The following CDKAL1 variants were observed in gnomAD, a reference collection of about 807,000 sequenced individuals.
CDKAL1 encodes the protein threonylcarbamoyladenosine tRNA methylthiotransferase.
A neutral mutation model predicts 68.2 loss-of-function variants in CDKAL1; 32 were observed. The ratio of observed to expected loss-of-function variants is 0.47; its 90% CI spans 0.35 to 0.63. CDKAL1 has a LOEUF of 0.63. Ranked by LOEUF, CDKAL1 falls within the 30% of genes least tolerant of loss-of-function variation. CDKAL1 has a pLI of 0.00. For synonymous variants in CDKAL1, 234 were observed against 244.3 expected (o/e 0.96, Z 0.39); for missense variants, 606 against 696.7 (o/e 0.87, Z 1.47).
intron 9 of CDKAL1, among the ~76,000 whole-genome samples, chr6:20,908,366 T>C (rs1180857024): frequency 6.6e-6 from 1 of 152,202 alleles, no homozygotes; most frequent in Non-Finnish European, 1.5e-5. Flanking sequence ...CTTGAAAATA[T>C]TTACCATTGA....
intron 15 of CDKAL1, among the ~76,000 whole-genome samples, chr6:21,212,741 C>T (rs1288714889): frequency 2.0e-5 from 3 of 151,948 alleles, no homozygotes; most frequent in Admixed American, 6.6e-5. Context: ...GGGGTACAAG[C>T]GCAGATTGCT....
intron 15 of CDKAL1, among the ~76,000 whole-genome samples, chr6:21,201,748 C>T (rs1337302029): frequency 6.6e-6 from 1 of 152,128 alleles, no homozygotes; most frequent in African/African-American, 2.4e-5. Flanking sequence ...CTACTTTAGT[C>T]ATGTGGAGTG....
chr6:20,908,023 G>A (rs1762309293), intron 9 of CDKAL1, among the ~76,000 whole-genome samples: 1 of 152,170 alleles, frequency 6.6e-6, no homozygotes, highest in Non-Finnish European at 1.5e-5. Context: ...ACTGGCTGCA[G>A]CTTCACTTTT....
At chr6:21,016,691 G>C (rs568715407) in intron 11 of CDKAL1, among the ~76,000 whole-genome samples, 227 of 151,220 alleles carry the variant, frequency 1.5e-3, no homozygotes, top group Non-Finnish European at 2.6e-3. Context: ...GTGTTCCTCA[G>C]GCACACATCC....
chr6:20,537,805 G>A (rs148600384), intron 2 of CDKAL1, among the ~76,000 whole-genome samples: 6 of 152,050 alleles, frequency 3.9e-5, no homozygotes, highest in African/African-American at 1.4e-4. Flanking sequence ...GCTCCATTTA[G>A]CTATTACGCT....
intron 15 of CDKAL1, among the ~76,000 whole-genome samples, chr6:21,207,815 G>T (rs566100347): frequency 1.3e-5 from 2 of 152,206 alleles, no homozygotes; most frequent in South Asian, 2.1e-4. Context: ...ACTTTAACTT[G>T]TGAAGTAAAA....
rs146125008 is a variant in CDKAL1 at position 21,223,192 on chromosome 6, T to C, written c.1549-7656T>C. Among the ~76,000 whole-genome samples, 463 of 152,312 alleles carry C rather than the reference T, an allele frequency of 3.0e-3. 7 individuals are homozygous for C. In the East Asian group the frequency reaches 0.044, roughly 15 times the overall value. On this transcript the variant is annotated intron_variant, in intron 15 of 15. Coordinates refer to ENST00000274695, the MANE Select transcript of CDKAL1 (RefSeq NM_017774.3). Reference sequence around the variant, plus strand: ...ATCTTGATAGTCATTGTAATAACTATGCAGTGCCCTTGCTCTTTCTCATTT... The same window carrying C: ...ATCTTGATAGTCATTGTAATAACTACGCAGTGCCCTTGCTCTTTCTCATTT...
At chr6:21,114,020 G>A (rs1440211344) in intron 13 of CDKAL1, among the ~76,000 whole-genome samples, 7 of 151,864 alleles carry the variant, frequency 4.6e-5, no homozygotes, top group Non-Finnish European at 7.4e-5. Context: ...AGGCCGAGGC[G>A]GGCAGATCAC....
At position 20,627,314 on chromosome 6, in the gene CDKAL1, G is replaced by A. The variant is rs555907249; in HGVS notation, c.287-21979G>A. Among the ~76,000 whole-genome samples, 12 of 152,140 alleles carry A rather than the reference G, an allele frequency of 7.9e-5. No homozygotes were observed. The South Asian group carries it at 1.5e-3, about 18-fold the overall frequency. On this transcript the variant is annotated intron_variant, in intron 4 of 15. Coordinates refer to ENST00000274695, the MANE Select transcript of CDKAL1 (RefSeq NM_017774.3). ...CAAATAAATCTTTTCCTTTAGAAAA[G>A]GGGAGAATTAGAAACTCAAAATAGT...
At chr6:20,833,560 A>G (rs923668014) in intron 8 of CDKAL1, among the ~76,000 whole-genome samples, 2 of 152,086 alleles carry the variant, frequency 1.3e-5, no homozygotes, top group African/African-American at 4.8e-5. Context: ...TGTAACTAAA[A>G]AGTAACTCAC....
chr6:21,108,449 C>A lies in CDKAL1; in HGVS notation c.1285C>A (p.Pro429Thr). The A allele has an allele frequency of 6.2e-7, 1 of 1,600,264 alleles. No individual in the cohort carries two copies. The highest frequency in any genetic ancestry group is 1.1e-5 in the South Asian group (1 of 88,344). The change falls in exon 13 of 16, where the codon CCA becomes ACA. Residue 429 changes from proline to threonine, a missense_variant. Coordinates refer to ENST00000274695, the MANE Select transcript of CDKAL1 (RefSeq NM_017774.3). ...DLSRVFHSYS[P>T]YDHKIGERQQ... is the part of the protein sequence containing the mutation. The stretch of plus-strand genomic sequence containing the variant: ...TTCTCGGGTGTTTCATTCTTACAGT[C>A]CATATGATCACAAGGTAAGAGAAGC...
At chr6:20,670,409 T>G (rs1395348973) in intron 5 of CDKAL1, among the ~76,000 whole-genome samples, 2 of 152,200 alleles carry the variant, frequency 1.3e-5, no homozygotes, top group Non-Finnish European at 2.9e-5. Flanking sequence ...AGAATGATAT[T>G]AAATCTTTTA....
chr6:21,135,717 G>A, intron 13 of CDKAL1: 1 of 984,560 alleles, frequency 1.0e-6, no homozygotes, highest in Non-Finnish European at 1.2e-6. Flanking sequence ...GGACTGAAAG[G>A]GAAGGTATTC....
chr6:21,090,191 C>T (rs1772923561), intron 12 of CDKAL1, among the ~76,000 whole-genome samples: 2 of 152,146 alleles, frequency 1.3e-5, no homozygotes, highest in African/African-American at 4.8e-5. Context: ...AATTGGAAAA[C>T]TAATTAAGAA....
At chr6:21,203,653 A>C (rs1360721592) in intron 15 of CDKAL1, among the ~76,000 whole-genome samples, 1 of 150,464 alleles carries the variant, frequency 6.6e-6, no homozygotes, top group Non-Finnish European at 1.5e-5. Context: ...TCTAAAGCAA[A>C]ATACTGTGCT....
chr6:21,029,763 C>T (rs1033371597), intron 11 of CDKAL1, among the ~76,000 whole-genome samples: 1 of 152,102 alleles, frequency 6.6e-6, no homozygotes, highest in East Asian at 1.9e-4. Context: ...AAATGCAAAT[C>T]AAAACCACAG....
intron 13 of CDKAL1, among the ~76,000 whole-genome samples, chr6:21,127,037 T>C (rs1321406123): frequency 6.6e-6 from 1 of 152,198 alleles, no homozygotes; most frequent in Non-Finnish European, 1.5e-5. Flanking sequence ...ATGGCATCTG[T>C]CCTGGAATAG....
chr6:20,867,469 T>G (rs1759971435), intron 9 of CDKAL1, among the ~76,000 whole-genome samples: 1 of 152,214 alleles, frequency 6.6e-6, no homozygotes, highest in Non-Finnish European at 1.5e-5. Flanking sequence ...GATTTATGTT[T>G]GAAGTGTATC....
At chr6:21,132,247 A>C (rs973438242) in intron 13 of CDKAL1, among the ~76,000 whole-genome samples, 3 of 152,164 alleles carry the variant, frequency 2.0e-5, no homozygotes, top group African/African-American at 7.2e-5. Context: ...AATATCCATC[A>C]TTAAGGAAAT....
Sources: gnomAD v4.1 joint callset for allele counts (sites outside exome capture counted in the v4.1 genomes callset) on GRCh38, gnomAD v4.1.1 for gene constraint, MANE v1.5 for transcripts, NCBI Gene and HGNC (gene_info 2026-07-23, HGNC 2026-07-21) for gene names.